TXNDC12: variants seen among roughly 807,000 people sequenced by gnomAD.
TXNDC12 encodes the protein thioredoxin domain-containing protein 12.
Under a neutral mutation model 24.2 loss-of-function variants are expected in TXNDC12, and 22 were observed. The observed-to-expected ratio is 0.91, with a 90% CI of 0.65 to 1.30. TXNDC12 has a LOEUF of 1.30. Among genes scored for constraint, TXNDC12 ranks in the 50% most tolerant of loss-of-function variants. The probability of loss-of-function intolerance (pLI) is 0.00; values close to 1 mark genes in which losing one functional copy is unlikely to be tolerated. For missense variants in TXNDC12, 184 were observed against 205.8 expected (o/e 0.89, Z 0.65); for synonymous variants, 58 against 73.4 (o/e 0.79, Z 1.07).
chr1:52,041,630 A>G, intron 1 of TXNDC12, 33 bp from the exon 2 acceptor site: 1 of 1,484,922 alleles, frequency 6.7e-7, no homozygotes, highest in Non-Finnish European at 9.4e-7. Flanking sequence ...GCATTCACAT[A>G]ATGAACAAAG....
chr1:52,032,706 G>A lies in TXNDC12; in HGVS notation c.159-4076C>T, dbSNP rs756826418. On this transcript the variant is annotated intron_variant, in intron 2 of 6. Coordinates refer to ENST00000371626, the MANE Select transcript of TXNDC12 (RefSeq NM_015913.4). ...CCCCTACCTCCTCTGGTCAGTGCAG[G>A]CTCTGGCTCAAATACTGAAGAAACA... The A allele has an allele frequency of 1.7e-5, 27 of 1,606,034 alleles. 3 individuals carry two copies. The South Asian group carries it at 3.0e-4, about 18-fold the overall frequency.
At chr1:52,036,362 A>G (rs1045937889) in intron 2 of TXNDC12, among the ~76,000 whole-genome samples, 5 of 152,182 alleles carry the variant, frequency 3.3e-5, no homozygotes, top group African/African-American at 1.2e-4. Context: ...AATCATAAAG[A>G]AGCAAAAATA....
intron 2 of TXNDC12, chr1:52,032,911 C>A (rs752499921): frequency 6.2e-7 from 1 of 1,611,318 alleles, no homozygotes; most frequent in East Asian, 2.2e-5. Flanking sequence ...TTCCATCAAT[C>A]CGGCCAGTAC....
intron 1 of TXNDC12, among the ~76,000 whole-genome samples, chr1:52,048,813 G>A (rs1408600778): frequency 1.3e-5 from 2 of 151,516 alleles, no homozygotes; most frequent in African/African-American, 4.9e-5. Context: ...GCCAAGATGG[G>A]GCCACTGCAC....
chr1:52,033,691 G>A (rs1479897889), intron 2 of TXNDC12: 2 of 1,611,102 alleles, frequency 1.2e-6, no homozygotes, highest in South Asian at 1.1e-5. Context: ...GGCAGCCAGC[G>A]CCACGCGCAA....
Position 52,055,053 on chromosome 1 carries a change from A to T in TXNDC12, c.44T>A (p.Phe15Tyr), listed in dbSNP as rs766482803. The T allele has an allele frequency of 1.2e-6, 2 of 1,613,980 alleles. No homozygotes were observed. Among genetic ancestry groups the T allele is most frequent in the East Asian group, 4.5e-5 (2 of 44,884 alleles). The change falls in exon 1 of 7, where the codon TTC becomes TAC. Residue 15 changes from phenylalanine (F) to tyrosine (Y), a missense_variant. Physicochemically the swap from Phe to Tyr is conservative, Grantham distance 22 (BLOSUM62 3). Transcript: ENST00000371626. ...AGAGATGACGAGGAGCAGGAAACTG[A>T]AGCCCAGCAAACAGGTGGCCCCGAG... Reference protein sequence around the residue: ...PRLGATCLLGFSFLLLVISSD... With the variant: ...PRLGATCLLGYSFLLLVISSD...
chr1:52,032,869 AG>A, intron 2 of TXNDC12: 1 of 1,614,194 alleles, frequency 6.2e-7, no homozygotes, highest in African/African-American at 1.3e-5. Flanking sequence ...AGGAAGCGTG[AG>A]CAAGTCCCCG....
chr1:52,046,812 T>A (rs548413164), intron 1 of TXNDC12, among the ~76,000 whole-genome samples: 92 of 145,042 alleles, frequency 6.3e-4, no homozygotes, highest in African/African-American at 2.3e-3. Flanking sequence ...GGTCAAGAGA[T>A]CAAGACCATC....
At chr1:52,052,067 C>T (rs558637967) in intron 1 of TXNDC12, among the ~76,000 whole-genome samples, 1 of 152,042 alleles carries the variant, frequency 6.6e-6, no homozygotes, top group Non-Finnish European at 1.5e-5. Flanking sequence ...TGATTGAATC[C>T]TCCCAACCCA....
chr1:52,049,650 A>T (rs1686161498), intron 1 of TXNDC12, among the ~76,000 whole-genome samples: 1 of 152,152 alleles, frequency 6.6e-6, no homozygotes, highest in South Asian at 2.1e-4. Flanking sequence ...TAAAATTTAC[A>T]TTGGAATTTT....
chr1:52,033,004 G>C lies in TXNDC12; in HGVS notation c.159-4374C>G, dbSNP rs1685798720. ...CTGCGTAGACTGATGGGGTGGTGGG[G>C]CCCGGTTCTCAAACAGGGCAGAGCG... On this transcript the variant is annotated intron_variant, in intron 2 of 6. Coordinates refer to ENST00000371626, the MANE Select transcript of TXNDC12 (RefSeq NM_015913.4). 3.8e-6 allele frequency: 6 copies of C among 1,560,516 alleles called. No individual in the cohort carries two copies. The highest frequency in any genetic ancestry group is 2.2e-5 in the East Asian group (1 of 44,604).
At chr1:52,034,536 G>A (rs1685845194) in intron 2 of TXNDC12, among the ~76,000 whole-genome samples, 1 of 152,090 alleles carries the variant, frequency 6.6e-6, no homozygotes, top group Non-Finnish European at 1.5e-5. Flanking sequence ...CCCAAATATT[G>A]CATAGACATA....
chr1:52,030,869 T>TA (rs562992803), intron 2 of TXNDC12, among the ~76,000 whole-genome samples: 5 of 152,216 alleles, frequency 3.3e-5, no homozygotes, highest in Non-Finnish European at 7.3e-5. Flanking sequence ...TGTGATATGT[T>TA]AAAATTAATT....
At chr1:52,031,118 C>T (rs1186511091) in intron 2 of TXNDC12, among the ~76,000 whole-genome samples, 2 of 151,226 alleles carry the variant, frequency 1.3e-5, no homozygotes, top group East Asian at 3.9e-4. Flanking sequence ...AGCATTTTGT[C>T]TTTTGTCATC....
At chr1:52,041,676 A>G (rs905932153) in intron 1 of TXNDC12, 79 bp from the exon 2 acceptor site, 61 of 928,268 alleles carry the variant, frequency 6.6e-5, no homozygotes, top group Non-Finnish European at 9.4e-5. Context: ...CATGTTCACA[A>G]GATACCCACT....
chr1:52,055,190 A>C lies in TXNDC12; in HGVS notation c.-94T>G, dbSNP rs1686314469. 1 of 788,698 alleles carries C rather than the reference A, an allele frequency of 1.3e-6. No homozygotes were observed. The highest frequency in any genetic ancestry group is 1.5e-5 in the South Asian group (1 of 67,056). 48.9% of individuals were successfully genotyped at this position (788,698 alleles called of 1,614,324 possible). A position where few individuals can be genotyped will look rare whatever the true frequency, so the allele number is the denominator to read the frequency against. On this transcript the variant is annotated 5_prime_UTR_variant, in exon 1 of 7. Coordinates refer to ENST00000371626, the MANE Select transcript of TXNDC12 (RefSeq NM_015913.4). ...AGTTCGCCGAGCGCCGCTCAGCACA[A>C]CACCTCTACTTCCCAGATTTTTTTT... is the stretch of plus-strand genomic sequence containing the variant.
intron 2 of TXNDC12, among the ~76,000 whole-genome samples, chr1:52,031,692 C>T (rs1383325136): frequency 6.6e-6 from 1 of 151,716 alleles, no homozygotes; most frequent in Non-Finnish European, 1.5e-5. Flanking sequence ...GGTTTTGCCA[C>T]GTTGGCCAGG....
chr1:52,045,457 T>C (rs1686073843), intron 1 of TXNDC12, among the ~76,000 whole-genome samples: 3 of 151,950 alleles, frequency 2.0e-5, no homozygotes, highest in Admixed American at 2.0e-4. Context: ...AAGAGGAGAT[T>C]AGGACACAGA....
At chr1:52,038,675 A>C (rs1685928778) in intron 2 of TXNDC12, among the ~76,000 whole-genome samples, 1 of 151,812 alleles carries the variant, frequency 6.6e-6, no homozygotes, top group Non-Finnish European at 1.5e-5. Context: ...GTCATTAAAT[A>C]CTCCAGCTTT....
Sources: gnomAD v4.1 joint callset for allele counts (sites outside exome capture counted in the v4.1 genomes callset) on GRCh38, gnomAD v4.1.1 for gene constraint, MANE v1.5 for transcripts, NCBI Gene and HGNC (gene_info 2026-07-23, HGNC 2026-07-21) for gene names.